PVT1: variants seen among roughly 807,000 people sequenced by gnomAD.
PVT1 encodes CXCR4/PVT1 fusion.
intron 2 of PVT1, among the ~76,000 whole-genome samples, chr8:127,825,667 C>G (rs972562802): frequency 6.6e-6 from 1 of 152,010 alleles, no homozygotes; most frequent in Non-Finnish European, 1.5e-5. Context: ...GATGCGAATG[C>G]AAAACCAAAG....
chr8:127,999,411 A>T (rs567086796), intron 4 of PVT1: 4 of 152,172 alleles, frequency 2.6e-5, no homozygotes, highest in Non-Finnish European at 5.9e-5. Context: ...ATGTTAAGCT[A>T]ACTATGAGTT....
At chr8:127,958,360 C>T (rs1488097271) in intron 3 of PVT1, among the ~76,000 whole-genome samples, 4 of 152,066 alleles carry the variant, frequency 2.6e-5, no homozygotes, top group African/African-American at 7.2e-5. Context: ...CTGCCTCAGC[C>T]CCCCGAGTAG....
At chr8:128,099,642 T>A (rs1358554204) in intron 6 of PVT1, 2 of 152,114 alleles carry the variant, frequency 1.3e-5, no homozygotes, top group East Asian at 3.8e-4. Context: ...TGATAGAAAA[T>A]TTAAATAAAC....
chr8:127,966,498 G>C (rs1254469858), intron 3 of PVT1, among the ~76,000 whole-genome samples: 1 of 152,158 alleles, frequency 6.6e-6, no homozygotes, highest in Non-Finnish European at 1.5e-5. Flanking sequence ...GACATAACTG[G>C]GGCACAAGAT....
At chr8:128,066,347 A>G (rs1813910430) in intron 4 of PVT1, among the ~76,000 whole-genome samples, 1 of 152,226 alleles carries the variant, frequency 6.6e-6, no homozygotes. Flanking sequence ...GCTGCTGATC[A>G]GTGCTATGTG....
intron 2 of PVT1, among the ~76,000 whole-genome samples, chr8:127,887,585 G>T (rs557915861): frequency 2.0e-5 from 3 of 152,256 alleles, no homozygotes; most frequent in African/African-American, 7.2e-5. Context: ...GGGTGCAGTG[G>T]TGTAATCTTG....
intron 2 of PVT1, among the ~76,000 whole-genome samples, chr8:127,799,466 G>C (rs188074153): frequency 6.6e-6 from 1 of 152,308 alleles, no homozygotes; most frequent in African/African-American, 2.4e-5. Context: ...AAGATACACA[G>C]TCAACAGTCA....
intron 4 of PVT1, among the ~76,000 whole-genome samples, chr8:128,042,439 C>A (rs1314829095): frequency 6.6e-6 from 1 of 152,152 alleles, no homozygotes; most frequent in African/African-American, 2.4e-5. Flanking sequence ...TGTGTTTGGA[C>A]CATCATACAG....
At chr8:128,062,821 A>T (rs1813848442) in intron 4 of PVT1, among the ~76,000 whole-genome samples, 1 of 152,174 alleles carries the variant, frequency 6.6e-6, no homozygotes, top group East Asian at 1.9e-4. Flanking sequence ...CAGTTTCCTC[A>T]GTCTCCCCCT....
intron 5 of PVT1, among the ~76,000 whole-genome samples, chr8:128,076,987 G>GTA (rs1017676389): frequency 1.3e-5 from 2 of 152,196 alleles, no homozygotes; most frequent in African/African-American, 4.8e-5. Flanking sequence ...ACGGCAAAGG[G>GTA]TATTCCCCTG....
chr8:127,994,847 A>G (rs1563660408), intron 4 of PVT1, among the ~76,000 whole-genome samples: 1 of 152,206 alleles, frequency 6.6e-6, no homozygotes, highest in Non-Finnish European at 1.5e-5. Context: ...GGCAGAGATG[A>G]AATTCAACCT....
chr8:127,971,409 A>G (rs1816763238), intron 3 of PVT1, among the ~76,000 whole-genome samples: 2 of 152,192 alleles, frequency 1.3e-5, no homozygotes, highest in Non-Finnish European at 2.9e-5. Flanking sequence ...AGAGTACATG[A>G]TCTGTTAGGG....
chr8:128,030,510 G>A (rs1208573566), intron 4 of PVT1, among the ~76,000 whole-genome samples: 2 of 152,106 alleles, frequency 1.3e-5, no homozygotes, highest in Non-Finnish European at 2.9e-5. Context: ...TTTGACAGTT[G>A]AGGAGCTGGA....
At chr8:127,979,388 TA>T (rs2129976741) in intron 3 of PVT1, among the ~76,000 whole-genome samples, 1 of 152,372 alleles carries the variant, frequency 6.6e-6, no homozygotes, top group East Asian at 1.9e-4. Flanking sequence ...TCCCATTTGC[TA>T]TGATATGTTT....
chr8:127,996,042 CCTT>C (rs975224133), intron 4 of PVT1, among the ~76,000 whole-genome samples: 11 of 152,256 alleles, frequency 7.2e-5, no homozygotes, highest in African/African-American at 2.6e-4. Context: ...AAAGCAGACA[CCTT>C]CTCCTCCCTC....
At chr8:128,046,724 C>G (rs1361172560) in intron 4 of PVT1, among the ~76,000 whole-genome samples, 1 of 152,232 alleles carries the variant, frequency 6.6e-6, no homozygotes, top group Non-Finnish European at 1.5e-5. Flanking sequence ...TGAGTACCAT[C>G]TGAAGGTCCT....
chr8:127,820,007 G>A (rs1373946158), intron 2 of PVT1, among the ~76,000 whole-genome samples: 1 of 152,182 alleles, frequency 6.6e-6, no homozygotes, highest in Non-Finnish European at 1.5e-5. Flanking sequence ...GTGAGGTCAA[G>A]CATTTGGAGT....
chr8:128,070,565 G>A (rs113149267), intron 5 of PVT1, among the ~76,000 whole-genome samples: 123 of 152,338 alleles, frequency 8.1e-4, no homozygotes, highest in African/African-American at 2.8e-3. Flanking sequence ...TAGCATCCCT[G>A]TGATGGCCCT....
At chr8:127,924,456 C>T (rs1390356984) in intron 3 of PVT1, among the ~76,000 whole-genome samples, 1 of 151,688 alleles carries the variant, frequency 6.6e-6, no homozygotes, top group Non-Finnish European at 1.5e-5. Context: ...GCTTCAGCCT[C>T]CCGAGTAGCT....
Sources: gnomAD v4.1 joint callset for allele counts (sites outside exome capture counted in the v4.1 genomes callset) on GRCh38, gnomAD v4.1.1 for gene constraint, MANE v1.5 for transcripts, NCBI Gene and HGNC (gene_info 2026-07-23, HGNC 2026-07-21) for gene names.